Variants in TMEM117 observed in about 807,000 individuals in gnomAD.
The protein encoded by TMEM117 is transmembrane protein 117.
A neutral mutation model predicts 52.4 loss-of-function variants in TMEM117; 27 were observed. That is an observed-to-expected ratio of 0.51 (90% CI 0.38 to 0.71). The LOEUF (loss-of-function observed/expected upper bound fraction) is 0.71. Among genes scored for constraint, TMEM117 ranks in the 30% least tolerant of loss-of-function variants. The pLI, the probability that TMEM117 is intolerant of heterozygous loss-of-function variation, is 0.00. For missense variants in TMEM117, 556 were observed against 630.5 expected (o/e 0.88, Z 1.26); for synonymous variants, 215 against 206.3 (o/e 1.04, Z -0.36).
At chr12:44,100,867 G>A (rs1023940229) in intron 3 of TMEM117, among the ~76,000 whole-genome samples, 11 of 122,268 alleles carry the variant, frequency 9.0e-5, no homozygotes, top group African/African-American at 3.7e-4. Flanking sequence ...TTGTCCAACC[G>A]TCAGTTTGGT....
intron 5 of TMEM117, among the ~76,000 whole-genome samples, chr12:44,276,902 GTGTGTA>G (rs1950519434): frequency 6.9e-6 from 1 of 145,810 alleles, no homozygotes; most frequent in South Asian, 2.1e-4. Flanking sequence ...GTGTGTGTGT[GTGTGTA>G]TGTGTGTGTG....
chr12:44,047,566 A>T (rs552238474), intron 3 of TMEM117, among the ~76,000 whole-genome samples: 1 of 152,240 alleles, frequency 6.6e-6, no homozygotes, highest in South Asian at 2.1e-4. Context: ...TTTATTTTCT[A>T]GTTCACTATT....
At chr12:44,215,729 TAAAA>T (rs767284602) in intron 5 of TMEM117, among the ~76,000 whole-genome samples, 1 of 147,026 alleles carries the variant, frequency 6.8e-6, no homozygotes, top group Non-Finnish European at 1.5e-5. Flanking sequence ...TAGCTTTTTT[TAAAA>T]AAAAAAAAGA....
At chr12:44,353,516 G>T (rs1391600207) in intron 6 of TMEM117, among the ~76,000 whole-genome samples, 7 of 151,384 alleles carry the variant, frequency 4.6e-5, no homozygotes, top group Admixed American at 1.3e-4. Flanking sequence ...TCTACATATG[G>T]CTAGCCAGTT....
chr12:43,819,651 T>C, the TMEM117 span, among the ~76,000 whole-genome samples: 1 of 152,118 alleles, frequency 6.6e-6, no homozygotes, highest in Non-Finnish European at 1.5e-5. Context: ...CGCGCGCCTG[T>C]AGTCCCCGCT....
At chr12:44,103,404 A>T (rs1310194853) in intron 3 of TMEM117, among the ~76,000 whole-genome samples, 2 of 152,014 alleles carry the variant, frequency 1.3e-5, no homozygotes, top group South Asian at 4.2e-4. Flanking sequence ...CTGAACTTTG[A>T]GGTATATATT....
chr12:43,815,688 C>T, the TMEM117 span, among the ~76,000 whole-genome samples: 2 of 152,242 alleles, frequency 1.3e-5, no homozygotes, highest in Non-Finnish European at 2.9e-5. Context: ...CAGCCATAAA[C>T]CAAAGGGCTG....
chr12:44,211,725 A>T (rs565635441), intron 5 of TMEM117, among the ~76,000 whole-genome samples: 2 of 152,304 alleles, frequency 1.3e-5, no homozygotes, highest in Non-Finnish European at 2.9e-5. Context: ...ATTGCCTAGT[A>T]TATTTGACAG....
At chr12:44,068,821 C>T (rs1947259688) in intron 3 of TMEM117, among the ~76,000 whole-genome samples, 3 of 152,112 alleles carry the variant, frequency 2.0e-5, no homozygotes, top group South Asian at 4.1e-4. Context: ...TTCAGGGTTG[C>T]CACAAACCTT....
intron 5 of TMEM117, among the ~76,000 whole-genome samples, chr12:44,284,304 C>A (rs990963206): frequency 6.6e-6 from 1 of 152,054 alleles, no homozygotes; most frequent in Admixed American, 6.5e-5. Flanking sequence ...CAGCGAGACT[C>A]CGTCTCAAAA....
intron 6 of TMEM117, among the ~76,000 whole-genome samples, chr12:44,316,930 A>ACTGAT (rs1951061863): frequency 6.6e-6 from 1 of 150,526 alleles, no homozygotes; most frequent in Non-Finnish European, 1.5e-5. Context: ...GGAAGCTCTG[A>ACTGAT]CTGATTTTCT....
chr12:44,194,344 G>A (rs565258104), intron 4 of TMEM117, among the ~76,000 whole-genome samples: 2 of 152,286 alleles, frequency 1.3e-5, no homozygotes, highest in African/African-American at 2.4e-5. Flanking sequence ...TATTTGGGAA[G>A]GAGGGTTAAA....
Position 44,114,382 on chromosome 12 carries a change from A to T in TMEM117, c.411-29143A>T, listed in dbSNP as rs138259819. On this transcript the variant is annotated intron_variant, in intron 3 of 7. Transcript: ENST00000266534. ...AAAACGATTTTATAACTAGATATAC[A>T]GTAAAATTAAGGTGCTCACCTCTGC... Among the ~76,000 whole-genome samples the T allele has an allele frequency of 2.4e-3, 361 of 152,340 alleles. 5 individuals carry two copies. Among genetic ancestry groups the T allele is most frequent in the African/African-American group, 8.3e-3 (345 of 41,572 alleles).
intron 3 of TMEM117, among the ~76,000 whole-genome samples, chr12:44,082,817 A>G (rs947256958): frequency 2.6e-5 from 4 of 152,064 alleles, no homozygotes; most frequent in Non-Finnish European, 4.4e-5. Flanking sequence ...AATAGTGATT[A>G]TTTTGCATTT....
At chr12:43,981,038 A>G (rs1023408600) in intron 3 of TMEM117, among the ~76,000 whole-genome samples, 8 of 152,266 alleles carry the variant, frequency 5.3e-5, no homozygotes, top group African/African-American at 1.2e-4. Context: ...CCTTTGCCCC[A>G]GGGTAAGAAC....
chr12:44,351,222 G>T (rs1266836344), intron 6 of TMEM117, among the ~76,000 whole-genome samples: 1 of 151,718 alleles, frequency 6.6e-6, no homozygotes, highest in African/African-American at 2.4e-5. Flanking sequence ...TTTTCCTATA[G>T]AGTTATTTGA....
chr12:43,870,582 A>C, intron 2 of TMEM117, among the ~76,000 whole-genome samples: 1 of 151,752 alleles, frequency 6.6e-6, no homozygotes, highest in South Asian at 2.1e-4. Context: ...TTTATAATAG[A>C]ACAATTTATA....
intron 5 of TMEM117, among the ~76,000 whole-genome samples, chr12:44,279,600 G>A (rs961742833): frequency 6.8e-6 from 1 of 147,496 alleles, no homozygotes; most frequent in African/African-American, 2.5e-5. Flanking sequence ...TGCAACCTCC[G>A]CATCCCAGGT....
chr12:44,387,604 G>A (rs1952106522), intron 7 of TMEM117, among the ~76,000 whole-genome samples: 1 of 151,972 alleles, frequency 6.6e-6, no homozygotes, highest in Non-Finnish European at 1.5e-5. Flanking sequence ...TTTATTTCTT[G>A]CCCAGACATA....
Sources: allele counts gnomAD v4.1 joint callset (sites outside exome capture counted in the v4.1 genomes callset), GRCh38; gene constraint gnomAD v4.1.1; transcripts MANE v1.5; gene names NCBI Gene and HGNC (gene_info 2026-07-23, HGNC 2026-07-21).